The following RBFOX1 variants were observed in gnomAD, a reference collection of about 807,000 sequenced individuals.
RBFOX1 encodes the protein RNA binding protein fox-1 homolog 1.
A neutral mutation model predicts 57.7 loss-of-function variants in RBFOX1; 8 were observed. The observed-to-expected ratio is 0.14, with a 90% CI of 0.08 to 0.25. The LOEUF (loss-of-function observed/expected upper bound fraction) is 0.25, where lower values mean the gene tolerates loss of function less well. Among genes scored for constraint, RBFOX1 ranks in the 10% least tolerant of loss-of-function variants. The pLI, the probability that RBFOX1 is intolerant of heterozygous loss-of-function variation, is 1.00. For synonymous variants in RBFOX1, 326 were observed against 222.4 expected, an observed-to-expected ratio of 1.47 and a Z score of -4.15; for missense variants, 611 against 548.5, an observed-to-expected ratio of 1.11 and a Z score of -1.14.
Position 5,317,458 on chromosome 16 carries a change from A to G in RBFOX1, c.219+77353A>G, listed in dbSNP as rs572294669. ...CCCTGTCTCTACTAAAAATACAAAA[A>G]ATTAGTTGGGCGTGGTGGCGCACGC... On this transcript the variant is annotated intron_variant, in intron 1 of 2. Coordinates refer to the RBFOX1 transcript ENST00000585867. Among the ~76,000 whole-genome samples the G allele has an allele frequency of 2.0e-5, 3 of 152,208 alleles. No individual in the cohort carries two copies. In the South Asian group the frequency reaches 6.2e-4, roughly 32 times the overall value.
At chr16:6,267,101 G>C (rs2152659397) in intron 1 of RBFOX1, among the ~76,000 whole-genome samples, 1 of 152,170 alleles carries the variant, frequency 6.6e-6, no homozygotes, top group East Asian at 1.9e-4. Context: ...GTTCCCCACA[G>C]CCACACAAAA....
intron 2 of RBFOX1, among the ~76,000 whole-genome samples, chr16:6,323,071 C>T (rs985017997): frequency 2.6e-5 from 4 of 151,990 alleles, no homozygotes; most frequent in Non-Finnish European, 4.4e-5. Flanking sequence ...CTCTGCAGAC[C>T]TTTTTCGATC....
chr16:6,654,620 C>A lies in RBFOX1; in HGVS notation c.-46C>A, dbSNP rs773514590. The A allele has an allele frequency of 6.6e-7, 1 of 1,510,174 alleles. No homozygotes were observed. The allele number at this position is 1,510,174 out of a possible 1,614,324, so 93.5% of individuals were successfully genotyped here. On this transcript the variant is annotated 5_prime_UTR_variant, in exon 3 of 16. Transcript: ENST00000550418. ...CTTCTCAGGATATCAAAGCAGACTG[C>A]AATACCTGCGTGGAAATAGAAGACA...
chr16:6,103,403 C>G (rs1311277732), intron 1 of RBFOX1, among the ~76,000 whole-genome samples: 1 of 152,044 alleles, frequency 6.6e-6, no homozygotes, highest in East Asian at 1.9e-4. Flanking sequence ...TCTGATGTAT[C>G]ACGGTCACAC....
chr16:5,788,588 C>T (rs1034207329), intron 3 of RBFOX1, among the ~76,000 whole-genome samples: 1 of 152,164 alleles, frequency 6.6e-6, no homozygotes, highest in Non-Finnish European at 1.5e-5. Context: ...GGGATCGTGC[C>T]ACTGCACTCC....
intron 14 of RBFOX1, among the ~76,000 whole-genome samples, chr16:7,698,181 A>AGGGT (rs1568529149): frequency 2.2e-5 from 1 of 46,094 alleles, no homozygotes. Context: ...AGAGTCCAAG[A>AGGGT]GGGTGTGTGT....
chr16:6,688,055 C>T (rs2059696258), intron 3 of RBFOX1, among the ~76,000 whole-genome samples: 1 of 152,110 alleles, frequency 6.6e-6, no homozygotes, highest in African/African-American at 2.4e-5. Flanking sequence ...TCTTGCACTG[C>T]CATAGACAAA....
intron 2 of RBFOX1, among the ~76,000 whole-genome samples, chr16:6,322,326 C>T (rs1278888877): frequency 6.6e-6 from 1 of 152,186 alleles, no homozygotes; most frequent in Non-Finnish European, 1.5e-5. Flanking sequence ...AACATTTTAT[C>T]TTTTCTCCAT....
intron 4 of RBFOX1, among the ~76,000 whole-genome samples, chr16:7,262,561 C>A (rs183051452): frequency 2.6e-5 from 4 of 152,280 alleles, no homozygotes; most frequent in Non-Finnish European, 5.9e-5. Flanking sequence ...TGTGGGGCAC[C>A]CATTGCTCCT....
chr16:5,335,480 G>A (rs2064872658), intron 1 of RBFOX1, among the ~76,000 whole-genome samples: 1 of 152,196 alleles, frequency 6.6e-6, no homozygotes, highest in Non-Finnish European at 1.5e-5. Context: ...GCACATGAGT[G>A]ACCAGATTAG....
At chr16:7,192,790 A>C (rs997175288) in intron 4 of RBFOX1, among the ~76,000 whole-genome samples, 1 of 152,236 alleles carries the variant, frequency 6.6e-6, no homozygotes, top group Non-Finnish European at 1.5e-5. Flanking sequence ...AAAGCATTTC[A>C]AAATAAATAC....
chr16:5,848,216 G>A (rs977150740), intron 3 of RBFOX1, among the ~76,000 whole-genome samples: 18 of 152,086 alleles, frequency 1.2e-4, no homozygotes, highest in Non-Finnish European at 1.9e-4. Context: ...ATATAAGGTG[G>A]ATATCTTATC....
intron 3 of RBFOX1, among the ~76,000 whole-genome samples, chr16:6,899,335 C>T (rs1377452968): frequency 6.6e-6 from 1 of 152,138 alleles, no homozygotes; most frequent in Admixed American, 6.6e-5. Context: ...CCTTGCATTC[C>T]ATTTTCTATT....
chr16:6,410,040 A>C (rs992730383), intron 2 of RBFOX1, among the ~76,000 whole-genome samples: 2 of 152,106 alleles, frequency 1.3e-5, no homozygotes, highest in Non-Finnish European at 2.9e-5. Context: ...TGAGACTAGG[A>C]GCCCTGCTTC....
chr16:6,707,474 T>TTTTC, intron 3 of RBFOX1, among the ~76,000 whole-genome samples: 1 of 123,066 alleles, frequency 8.1e-6, no homozygotes, highest in African/African-American at 3.3e-5. Flanking sequence ...GGCTTCCCAT[T>TTTTC]TTTGTTTTTT....
intron 4 of RBFOX1, among the ~76,000 whole-genome samples, chr16:7,387,851 G>C (rs539839872): frequency 3.1e-4 from 47 of 152,116 alleles, no homozygotes; most frequent in Non-Finnish European, 6.2e-4. Flanking sequence ...GGAATTCTTT[G>C]ATTATTTTAA....
At chr16:5,573,911 G>C (rs941103548) in intron 2 of RBFOX1, among the ~76,000 whole-genome samples, 1 of 152,090 alleles carries the variant, frequency 6.6e-6, no homozygotes, top group African/African-American at 2.4e-5. Context: ...CTGTGATCGC[G>C]CCACTGCACT....
intron 4 of RBFOX1, among the ~76,000 whole-genome samples, chr16:7,397,618 A>G (rs574669593): frequency 2.6e-5 from 4 of 152,338 alleles, no homozygotes; most frequent in South Asian, 4.1e-4. Flanking sequence ...TTTCAATGTA[A>G]CATCACAAGC....
intron 1 of RBFOX1, among the ~76,000 whole-genome samples, chr16:5,396,362 G>A (rs995712634): frequency 3.3e-5 from 5 of 152,062 alleles, no homozygotes; most frequent in South Asian, 2.1e-4. Context: ...AAGGAGGGGC[G>A]AGGCATGGGG....
Sources: allele counts gnomAD v4.1 joint callset (sites outside exome capture counted in the v4.1 genomes callset), GRCh38; gene constraint gnomAD v4.1.1; transcripts MANE v1.5; gene names NCBI Gene and HGNC (gene_info 2026-07-23, HGNC 2026-07-21).